AASS: variants seen among roughly 807,000 people sequenced by gnomAD.
The protein encoded by AASS is aminoadipate-semialdehyde synthase.
In AASS, 86 loss-of-function variants were observed where a neutral mutation model predicts 105.4. The ratio of observed to expected loss-of-function variants is 0.82; its 90% CI spans 0.69 to 0.98. The LOEUF (loss-of-function observed/expected upper bound fraction) is 0.98. Among genes scored for constraint, AASS ranks in the 50% least tolerant of loss-of-function variants. AASS has a pLI of 0.00. For missense variants in AASS, 1,048 were observed against 1,143.2 expected, an observed-to-expected ratio of 0.92 and a Z score of 1.20; for synonymous variants, 381 against 394.8, an observed-to-expected ratio of 0.96 and a Z score of 0.41.
intron 13 of AASS, among the ~76,000 whole-genome samples, chr7:122,100,889 C>T (rs1482697058): frequency 6.6e-6 from 1 of 151,834 alleles, no homozygotes; most frequent in Non-Finnish European, 1.5e-5. Flanking sequence ...CTACCTCTTA[C>T]TTTCATCAAT....
At chr7:122,114,011 C>T (rs1795055428) in intron 9 of AASS, among the ~76,000 whole-genome samples, 1 of 151,374 alleles carries the variant, frequency 6.6e-6, no homozygotes, top group South Asian at 2.1e-4. Flanking sequence ...CATTAACAGA[C>T]TAAAGTTAAC....
At chr7:122,108,450 C>T (rs1184559660) in intron 11 of AASS, among the ~76,000 whole-genome samples, 3 of 152,052 alleles carry the variant, frequency 2.0e-5, no homozygotes, top group Admixed American at 6.6e-5. Context: ...CCAAATTTAA[C>T]AGCATATTTA....
chr7:122,090,956 C>A (rs1020705923), intron 18 of AASS, among the ~76,000 whole-genome samples: 2 of 152,090 alleles, frequency 1.3e-5, no homozygotes, highest in African/African-American at 2.4e-5. Flanking sequence ...AACCCCTTCA[C>A]CAAGGCCAAT....
At chr7:122,121,830 G>A (rs1795453339) in intron 4 of AASS, among the ~76,000 whole-genome samples, 2 of 151,930 alleles carry the variant, frequency 1.3e-5, no homozygotes, top group Non-Finnish European at 1.5e-5. Flanking sequence ...CTATGTCAGT[G>A]AATTTTATCA....
In AASS at chr7:122,133,208, G is replaced by C. The variant is rs567855249; in HGVS notation, c.210+309C>G. The stretch of plus-strand genomic sequence containing the variant: ...GCAAGTGGAATGATGAACATGACAG[G>C]CTTCTCTCAGAGTGGCAGGCAAGGT... On this transcript the variant is annotated intron_variant, in intron 2 of 23. Coordinates refer to ENST00000417368, the MANE Select transcript of AASS (RefSeq NM_005763.4). 3.9e-5 allele frequency among the ~76,000 whole-genome samples: 6 copies of C among 152,174 alleles called. No individual in the cohort carries two copies. The East Asian group carries it at 9.7e-4, about 25-fold the overall frequency.
intron 1 of AASS, among the ~76,000 whole-genome samples, chr7:122,134,293 A>G (rs2150554267): frequency 6.6e-6 from 1 of 152,322 alleles, no homozygotes; most frequent in South Asian, 2.1e-4. Context: ...AACAAAAAAC[A>G]AAAAAACTGG....
Position 122,113,236 on chromosome 7 carries a change from G to A in AASS, c.1167-7C>T, listed in dbSNP as rs1290140138. ...GATCCCCGAGCCTTCAACACTAAAA[G>A]CAGCAATGTGGTTTATTCAGAAGCA... is the stretch of plus-strand genomic sequence containing the variant. On this transcript the variant is annotated splice_polypyrimidine_tract_variant and splice_region_variant and intron_variant, in intron 10 of 23. Transcript: ENST00000417368. 6.2e-7 allele frequency: 1 copy of A among 1,611,586 alleles called. No homozygotes were observed. Among genetic ancestry groups the A allele is most frequent in the East Asian group, 2.2e-5 (1 of 44,832 alleles).
rs1792922009 is a variant in AASS at position 122,074,735 on chromosome 7, T to C, written c.*1754A>G. On this transcript the variant is annotated 3_prime_UTR_variant, in exon 24 of 24. Coordinates refer to ENST00000417368, the MANE Select transcript of AASS (RefSeq NM_005763.4). ...AGCATCATTTAATGAAAAAGACTAT[T>C]TTGCCCCCATTGAATTGTCTTAGCA... 6.6e-6 allele frequency among the ~76,000 whole-genome samples: 1 copy of C among 152,214 alleles called. No individual in the cohort carries two copies. The highest frequency in any genetic ancestry group is 6.5e-5 in the Admixed American group (1 of 15,282).
Position 122,091,658 on chromosome 7 carries a change from T to G in AASS, c.2016+45A>C. On this transcript the variant is annotated intron_variant, in intron 18 of 23. Coordinates refer to ENST00000417368, the MANE Select transcript of AASS (RefSeq NM_005763.4). ...AGGGAGTATTTAGACTGTCTCAGGC[T>G]GTTATTGCAGGTTGATATCACTATG... 1.9e-6 allele frequency: 3 copies of G among 1,612,846 alleles called. No individual in the cohort carries two copies. The South Asian group carries it at 3.3e-5, about 18-fold the overall frequency.
In AASS at chr7:122,075,607, T is replaced by C. The variant is rs1792962540; in HGVS notation, c.*882A>G. 1 of 152,204 alleles carries C rather than the reference T, an allele frequency of 6.6e-6. No homozygotes were observed. The highest frequency in any genetic ancestry group is 1.5e-5 in the Non-Finnish European group (1 of 68,034). The allele number at this position is 152,204 out of a possible 1,614,324, so 9.4% of individuals were successfully genotyped here. A position where few individuals can be genotyped will look rare whatever the true frequency, so the allele number is the denominator to read the frequency against. On this transcript the variant is annotated 3_prime_UTR_variant, in exon 24 of 24. Transcript: ENST00000417368. ...TCAGGTTGAGGAAGTTTCCTTCTAT[T>C]CCTAGTTTGTTGAGGGTTTTTTATT...
At chr7:122,104,583 C>A (rs1794579560) in intron 11 of AASS, among the ~76,000 whole-genome samples, 1 of 152,084 alleles carries the variant, frequency 6.6e-6, no homozygotes, top group African/African-American at 2.4e-5. Flanking sequence ...CAGAGCAAGA[C>A]TGCCTCAAAA....
At chr7:122,101,006 C>A (rs1262838080) in intron 13 of AASS, among the ~76,000 whole-genome samples, 1 of 151,840 alleles carries the variant, frequency 6.6e-6, no homozygotes, top group Non-Finnish European at 1.5e-5. Flanking sequence ...ACTGAAAGCA[C>A]CACAGAAAGG....
chr7:122,111,136 C>A (rs1332544008), intron 11 of AASS, among the ~76,000 whole-genome samples: 2 of 152,026 alleles, frequency 1.3e-5, no homozygotes, highest in Admixed American at 1.3e-4. Context: ...CACAAATTGA[C>A]CCAGAAAGTT....
Position 122,115,146 on chromosome 7 carries a change from T to A in AASS, c.971A>T (p.Asp324Val), listed in dbSNP as rs771344929. The change falls in exon 9 of 24, where the codon GAT (aspartate) becomes GTT (valine). Residue 324 changes from aspartate to valine, a missense_variant. Asp to Val is a radical substitution (Grantham distance 152). Coordinates refer to ENST00000417368, the MANE Select transcript of AASS (RefSeq NM_005763.4). ...QNTPRLLTRQ[D>V]AQSLLAPGKF... ...GCCCGGAGCCAGGAGACTCTGAGCATCTTGGCGGGTTAGGAGGCGAGGAGT... is the reference window on the plus strand; with the variant it reads ...GCCCGGAGCCAGGAGACTCTGAGCAACTTGGCGGGTTAGGAGGCGAGGAGT... 2 of 1,614,180 alleles carry A rather than the reference T, an allele frequency of 1.2e-6. No individual in the cohort carries two copies. The highest frequency in any genetic ancestry group is 1.7e-6 in the Non-Finnish European group (2 of 1,180,038).
At chr7:122,093,519 T>C (rs536614263) in intron 15 of AASS, among the ~76,000 whole-genome samples, 45 of 152,218 alleles carry the variant, frequency 3.0e-4, no homozygotes, top group African/African-American at 8.7e-4. Flanking sequence ...CCATCAATAG[T>C]GGGATTGGGG....
intron 1 of AASS, among the ~76,000 whole-genome samples, chr7:122,135,685 A>G (rs1796111235): frequency 6.6e-6 from 1 of 152,216 alleles, no homozygotes; most frequent in Non-Finnish European, 1.5e-5. Context: ...CCCTAGTCCC[A>G]GAACCAGGGC....
At chr7:122,103,451 G>A (rs1285065720) in intron 11 of AASS, among the ~76,000 whole-genome samples, 1 of 151,948 alleles carries the variant, frequency 6.6e-6, no homozygotes, top group Non-Finnish European at 1.5e-5. Context: ...TGCTCTATAA[G>A]AAATGCTTAA....
chr7:122,118,154 A>G (rs1795275576), intron 6 of AASS, among the ~76,000 whole-genome samples, 153 bp downstream of exon 6: 1 of 152,028 alleles, frequency 6.6e-6, no homozygotes, highest in Non-Finnish European at 1.5e-5. Context: ...GATCATTACT[A>G]CTTTTCACTA....
chr7:122,118,062 T>C (rs539991870), intron 6 of AASS, among the ~76,000 whole-genome samples: 113 of 152,136 alleles, frequency 7.4e-4, no homozygotes, highest in South Asian at 2.9e-3. Flanking sequence ...TGTGTATAGA[T>C]ATACACACAC....
Sources: allele counts gnomAD v4.1 joint callset (sites outside exome capture counted in the v4.1 genomes callset), GRCh38; gene constraint gnomAD v4.1.1; transcripts MANE v1.5; gene names NCBI Gene and HGNC (gene_info 2026-07-23, HGNC 2026-07-21).